C5orf34: variants seen among roughly 807,000 people sequenced by gnomAD.
C5orf34 encodes the protein uncharacterized protein C5orf34.
A neutral mutation model predicts 78.4 loss-of-function variants in C5orf34; 73 were observed. The observed-to-expected ratio is 0.93, with a 90% CI of 0.77 to 1.13. The LOEUF (loss-of-function observed/expected upper bound fraction) is 1.13. C5orf34 is among the 50% of genes most tolerant of loss of function. The pLI, the probability that C5orf34 is intolerant of heterozygous loss-of-function variation, is 0.00. For missense variants in C5orf34, 730 were observed against 732.7 expected (o/e 1.00, Z 0.04); for synonymous variants, 251 against 246.6 (o/e 1.02, Z -0.17).
At chr5:43,496,510 T>TG (rs1443090860) in intron 6 of C5orf34, 19 of 1,381,948 alleles carry the variant, frequency 1.4e-5, no homozygotes, top group Non-Finnish European at 1.5e-5. Flanking sequence ...AAACCCATTG[T>TG]GGGAAAAAAA....
chr5:43,505,741 GCATTA>G lies in C5orf34; in HGVS notation c.932+2_932+6del, dbSNP rs767088433. On this transcript the variant is annotated splice_donor_variant and splice_donor_5th_base_variant and intron_variant, in intron 4 of 12. Transcript: ENST00000306862. LOFTEE classifies it high-confidence loss of function. Reference sequence around the variant, plus strand: ...AGCTTCATGACCAATAGCCATTACTGCATTACCTGTGTAGGTGTGGGACTGGACAG... The same window carrying G: ...AGCTTCATGACCAATAGCCATTACTGCCTGTGTAGGTGTGGGACTGGACAG... 9.7e-6 allele frequency: 15 copies of G among 1,542,708 alleles called. No homozygotes were observed. In the East Asian group the frequency reaches 3.4e-4, roughly 35 times the overall value.
chr5:43,514,438 A>G (rs1746398244), intron 1 of C5orf34, among the ~76,000 whole-genome samples: 1 of 152,158 alleles, frequency 6.6e-6, no homozygotes, highest in African/African-American at 2.4e-5. Flanking sequence ...GATGGAAGAC[A>G]TTTTCTGATT....
At chr5:43,490,876 TA>T (rs1745253094) in intron 10 of C5orf34, 147 bp from the exon 11 acceptor site, 1 of 483,014 alleles carries the variant, frequency 2.1e-6, no homozygotes. Context: ...ATTCTCAAAA[TA>T]TTTTTCACTG....
intron 4 of C5orf34, among the ~76,000 whole-genome samples, chr5:43,505,311 G>A (rs1745933006): frequency 6.6e-6 from 1 of 152,232 alleles, no homozygotes; most frequent in Non-Finnish European, 1.5e-5. Context: ...ATGGACAAAA[G>A]AACTGTGTCA....
chr5:43,493,632 T>A lies in C5orf34; in HGVS notation c.1245-20A>T. On this transcript the variant is annotated intron_variant, in intron 7 of 12. Transcript: ENST00000306862. ...AGAATTCTGTGAACACAAAAAATAC[T>A]ACTTAAACATTTGCAAATGACATTT... The A allele has an allele frequency of 7.0e-7, 1 of 1,429,798 alleles. No homozygotes were observed. The highest frequency in any genetic ancestry group is 9.6e-7 in the Non-Finnish European group (1 of 1,044,010). 88.6% of individuals were successfully genotyped at this position (1,429,798 alleles called of 1,614,324 possible). A position where few individuals can be genotyped will look rare whatever the true frequency, so the allele number is the denominator to read the frequency against.
At chr5:43,511,737 C>A (rs1248025169) in intron 1 of C5orf34, among the ~76,000 whole-genome samples, 25 of 151,112 alleles carry the variant, frequency 1.7e-4, no homozygotes, top group Non-Finnish European at 5.9e-5. Flanking sequence ...ACCCCCAACC[C>A]TGTGCTCTCT....
intron 5 of C5orf34, 24 bp from the exon 6 acceptor site, chr5:43,502,519 A>C: frequency 6.8e-7 from 1 of 1,465,586 alleles, no homozygotes. Context: ...ATAACCATTA[A>C]AAATTTTTTT....
At position 43,495,988 on chromosome 5, in the gene C5orf34, G is replaced by A. The variant is rs1561209635; in HGVS notation, c.1153-1387C>T. 10 of 1,591,140 alleles carry A rather than the reference G, an allele frequency of 6.3e-6. No individual in the cohort carries two copies. The East Asian group carries it at 2.0e-4, about 32-fold the overall frequency. On this transcript the variant is annotated intron_variant, in intron 6 of 12. Coordinates refer to ENST00000306862, the MANE Select transcript of C5orf34 (RefSeq NM_198566.4). ...TCTTCTGGCTGTAGGGTGGCTCAGT[G>A]GAATCCATTTTGTTAACACCAACAA...
chr5:43,491,671 C>T (rs913200461), intron 10 of C5orf34, among the ~76,000 whole-genome samples: 1 of 152,202 alleles, frequency 6.6e-6, no homozygotes, highest in Non-Finnish European at 1.5e-5. Flanking sequence ...TAACACATTT[C>T]ATTTTGAAAA....
chr5:43,496,308 C>T (rs1745517569), intron 6 of C5orf34: 1 of 1,584,158 alleles, frequency 6.3e-7, no homozygotes, highest in South Asian at 1.1e-5. Flanking sequence ...AGTCCTTTCC[C>T]ATCTCAGCAG....
chr5:43,508,637 T>C lies in C5orf34; in HGVS notation c.225A>G (p.Arg75=). 6.2e-7 allele frequency: 1 copy of C among 1,610,704 alleles called. No homozygotes were observed. The highest frequency in any genetic ancestry group is 8.5e-7 in the Non-Finnish European group (1 of 1,177,152). Residue 75 remains arginine, a synonymous_variant, in exon 3 of 13, where the codon CGA becomes CGG. Coordinates refer to ENST00000306862, the MANE Select transcript of C5orf34 (RefSeq NM_198566.4). ...AAAAAGGGCAAGTAGCTGAAGAGTTTCGAAAATCTAGGGCTCGCTGTAGTT... is the reference window on the plus strand; with the variant it reads ...AAAAAGGGCAAGTAGCTGAAGAGTTCCGAAAATCTAGGGCTCGCTGTAGTT... ...REQLQRALDF[R]NSSATCPFLS... is the part of the protein sequence containing the mutation.
intron 11 of C5orf34, chr5:43,488,190 G>T: frequency 2.0e-6 from 1 of 495,104 alleles, no homozygotes; most frequent in African/African-American, 1.9e-5. Flanking sequence ...CAAGGAATTT[G>T]TAATCAAATA....
At chr5:43,509,037 C>T (rs1459263854) in intron 2 of C5orf34, 108 bp downstream of exon 2, 31 of 808,000 alleles carry the variant, frequency 3.8e-5, no homozygotes, top group South Asian at 1.2e-4. Context: ...CCTAGGTGTT[C>T]GAGGCTGCAG....
chr5:43,505,112 G>T (rs377188696), intron 4 of C5orf34, among the ~76,000 whole-genome samples: 3 of 152,336 alleles, frequency 2.0e-5, no homozygotes, highest in East Asian at 1.9e-4. Flanking sequence ...TAAGTGTTTT[G>T]TAAGTGTTAG....
At chr5:43,496,376 G>T in intron 6 of C5orf34, 1 of 1,593,978 alleles carries the variant, frequency 6.3e-7, no homozygotes, top group South Asian at 1.1e-5. Context: ...TTGTAGGTCA[G>T]ATGGCCAGTA....
rs1245763942 is a variant in C5orf34 at position 43,492,808 on chromosome 5, T to C, written c.1397A>G (p.Tyr466Cys). ...LIPSVGRFLAYSDDKVHAIFL... is the reference protein window; with the variant it reads ...LIPSVGRFLACSDDKVHAIFL... ...GATAGCATGTACTTTGTCATCAGAG[T>C]AGGCAAGAAATCTTCCCACACTGGG... is the stretch of plus-strand genomic sequence containing the variant. Residue 466 changes from tyrosine to cysteine, a missense_variant, in exon 9 of 13, where the codon TAC (tyrosine) becomes TGC (cysteine). Coordinates refer to ENST00000306862, the MANE Select transcript of C5orf34 (RefSeq NM_198566.4). The C allele has an allele frequency of 2.5e-6, 4 of 1,612,828 alleles. No individual in the cohort carries two copies. The highest frequency in any genetic ancestry group is 3.4e-6 in the Non-Finnish European group (4 of 1,179,222).
At chr5:43,490,860 T>C in intron 10 of C5orf34, 131 bp from the exon 11 acceptor site, 2 of 506,010 alleles carry the variant, frequency 4.0e-6, no homozygotes. Flanking sequence ...AAGCATTTAC[T>C]GGGCAATTCT....
At chr5:43,504,872 C>A (rs1242487019) in intron 4 of C5orf34, among the ~76,000 whole-genome samples, 6 of 152,192 alleles carry the variant, frequency 3.9e-5, no homozygotes. Flanking sequence ...ACCAGATAAT[C>A]ATGACAAGCC....
intron 3 of C5orf34, among the ~76,000 whole-genome samples, chr5:43,507,791 G>T (rs1338431831): frequency 1.3e-5 from 2 of 152,108 alleles, no homozygotes; most frequent in Non-Finnish European, 2.9e-5. Flanking sequence ...ATAAAAAGAG[G>T]CTGCCGGCCG....
Sources: allele counts gnomAD v4.1 joint callset (sites outside exome capture counted in the v4.1 genomes callset), GRCh38; gene constraint gnomAD v4.1.1; transcripts MANE v1.5; gene names NCBI Gene and HGNC (gene_info 2026-07-23, HGNC 2026-07-21).